Variants in FBXW4 observed in about 807,000 individuals in gnomAD.
FBXW4 encodes the protein F-box and WD repeat domain containing 4.
A neutral mutation model predicts 61.8 loss-of-function variants in FBXW4; 40 were observed. The observed-to-expected ratio is 0.65, with a 90% CI of 0.50 to 0.84. The LOEUF (loss-of-function observed/expected upper bound fraction) is 0.84, where lower values mean the gene tolerates loss of function less well. Among genes scored for constraint, FBXW4 ranks in the 40% least tolerant of loss-of-function variants. The pLI, the probability that FBXW4 is intolerant of heterozygous loss-of-function variation, is 0.00. For synonymous variants in FBXW4, 311 were observed against 313.8 expected, an observed-to-expected ratio of 0.99 and a Z score of 0.10; for missense variants, 672 against 753.8, an observed-to-expected ratio of 0.89 and a Z score of 1.27.
intron 5 of FBXW4, among the ~76,000 whole-genome samples, chr10:101,635,406 C>T (rs560106260): frequency 9.2e-5 from 14 of 152,070 alleles, no homozygotes; most frequent in Admixed American, 8.5e-4. Context: ...TCATCCCAAA[C>T]CCTGACTCAC....
At chr10:101,627,935 T>C (rs2063920251) in intron 5 of FBXW4, 1 of 985,174 alleles carries the variant, frequency 1.0e-6, no homozygotes, top group Admixed American at 6.1e-5. Flanking sequence ...CTGGCCTCAG[T>C]TCTCTAACCC....
At chr10:101,642,605 T>G (rs2064062793) in intron 5 of FBXW4, among the ~76,000 whole-genome samples, 1 of 152,142 alleles carries the variant, frequency 6.6e-6, no homozygotes, top group Non-Finnish European at 1.5e-5. Context: ...CAGGACTTTG[T>G]CAACAGCCCA....
chr10:101,655,028 C>A (rs926496105), intron 5 of FBXW4, among the ~76,000 whole-genome samples: 5 of 152,082 alleles, frequency 3.3e-5, no homozygotes, highest in African/African-American at 1.2e-4. Context: ...TGGGGTCTCA[C>A]TCTGTTGCCC....
intron 5 of FBXW4, among the ~76,000 whole-genome samples, chr10:101,632,792 A>T (rs1307209260): frequency 6.6e-6 from 1 of 152,174 alleles, no homozygotes; most frequent in Non-Finnish European, 1.5e-5. Flanking sequence ...TCCCTGTACT[A>T]AAGCAAAAAC....
chr10:101,658,525 A>G (rs1359552805), intron 5 of FBXW4, among the ~76,000 whole-genome samples: 2 of 152,212 alleles, frequency 1.3e-5, no homozygotes, highest in Non-Finnish European at 2.9e-5. Context: ...AGCCTGGGCA[A>G]CAGTGCAAGA....
chr10:101,694,517 A>G lies in FBXW4; in HGVS notation c.589T>C (p.Tyr197His), dbSNP rs749970497. ...PEELLLLICSYLDMRALGRLA... is the reference protein window; with the variant it reads ...PEELLLLICSHLDMRALGRLA... ...CGGCCGAGGGCCCGCATGTCCAGGTAGGAGCAGATGAGCAGCAGCAGCTCC... is the reference window on the plus strand; with the variant it reads ...CGGCCGAGGGCCCGCATGTCCAGGTGGGAGCAGATGAGCAGCAGCAGCTCC... The change falls in exon 1 of 9, where the codon TAC (tyrosine) becomes CAC (histidine). Residue 197 changes from tyrosine to histidine, a missense_variant. By Grantham distance (83) the Tyr-to-His change is moderately conservative. Coordinates refer to ENST00000331272, the MANE Select transcript of FBXW4 (RefSeq NM_022039.4). The surrounding 1 kb of genome is among the most constrained non-coding windows in gnomAD (Gnocchi z 6.0). 1.6e-5 allele frequency: 24 copies of G among 1,514,670 alleles called. No individual in the cohort carries two copies. The highest frequency in any genetic ancestry group is 2.0e-5 in the Non-Finnish European group (23 of 1,140,970). The allele number at this position is 1,514,670 out of a possible 1,614,324, so 93.8% of individuals were successfully genotyped here.
At chr10:101,632,338 C>T (rs1443893250) in intron 5 of FBXW4, among the ~76,000 whole-genome samples, 1 of 152,144 alleles carries the variant, frequency 6.6e-6, no homozygotes, top group African/African-American at 2.4e-5. Flanking sequence ...TTGCTCCCTG[C>T]CCCCCAACTG....
intron 4 of FBXW4, among the ~76,000 whole-genome samples, chr10:101,670,635 C>G (rs1312975326): frequency 6.6e-6 from 1 of 152,210 alleles, no homozygotes; most frequent in Non-Finnish European, 1.5e-5. Context: ...GGCTTTATCT[C>G]CCTTACTTCT....
At chr10:101,684,798 C>T (rs2064517501) in intron 1 of FBXW4, among the ~76,000 whole-genome samples, 1 of 152,152 alleles carries the variant, frequency 6.6e-6, no homozygotes, top group African/African-American at 2.4e-5. Flanking sequence ...AAGGTTCAAA[C>T]AAAATTAATA....
chr10:101,641,182 T>C (rs1262257235), intron 5 of FBXW4, among the ~76,000 whole-genome samples: 2 of 152,154 alleles, frequency 1.3e-5, no homozygotes, highest in African/African-American at 4.8e-5. Context: ...AGATAGATAA[T>C]TTAAATATAT....
At chr10:101,656,326 A>G (rs1290834737) in intron 5 of FBXW4, among the ~76,000 whole-genome samples, 2 of 152,232 alleles carry the variant, frequency 1.3e-5, no homozygotes, top group African/African-American at 2.4e-5. Context: ...CAACACAGAC[A>G]TAAGTGTCTC....
chr10:101,684,048 C>T (rs1055336664), intron 1 of FBXW4, among the ~76,000 whole-genome samples: 3 of 152,202 alleles, frequency 2.0e-5, no homozygotes, highest in Non-Finnish European at 2.9e-5. Context: ...AACGCAACCT[C>T]CACCTCCCAG....
intron 6 of FBXW4, among the ~76,000 whole-genome samples, chr10:101,624,289 A>T (rs2134816967): frequency 6.6e-6 from 1 of 151,764 alleles, no homozygotes; most frequent in Non-Finnish European, 1.5e-5. Context: ...AAAAAAAACC[A>T]GAATGGCAGA....
At chr10:101,633,061 G>A (rs2063971696) in intron 5 of FBXW4, among the ~76,000 whole-genome samples, 2 of 152,194 alleles carry the variant, frequency 1.3e-5, no homozygotes, top group African/African-American at 4.8e-5. Context: ...GTAATCATGT[G>A]ATCCAGAGTG....
chr10:101,642,090 T>C (rs1185432755), intron 5 of FBXW4, among the ~76,000 whole-genome samples: 1 of 152,108 alleles, frequency 6.6e-6, no homozygotes, highest in African/African-American at 2.4e-5. Flanking sequence ...TGCTTGAACC[T>C]GAGAGGCAGA....
At chr10:101,651,828 G>A (rs1365204972) in intron 5 of FBXW4, among the ~76,000 whole-genome samples, 1 of 152,066 alleles carries the variant, frequency 6.6e-6, no homozygotes, top group Non-Finnish European at 1.5e-5. Flanking sequence ...TTTCAAACAA[G>A]GGACAACAAG....
intron 5 of FBXW4, among the ~76,000 whole-genome samples, chr10:101,644,428 CA>C (rs2064079466): frequency 1.3e-5 from 2 of 152,168 alleles, no homozygotes; most frequent in African/African-American, 2.4e-5. Context: ...TGGAGACACT[CA>C]AGACAATTGA....
chr10:101,646,989 A>G (rs1224725366), intron 5 of FBXW4, among the ~76,000 whole-genome samples: 2 of 152,112 alleles, frequency 1.3e-5, no homozygotes, highest in Non-Finnish European at 2.9e-5. Flanking sequence ...GGTGGTGGTT[A>G]GGAATGGGGT....
At chr10:101,657,365 G>A (rs181131728) in intron 5 of FBXW4, among the ~76,000 whole-genome samples, 1 of 152,240 alleles carries the variant, frequency 6.6e-6, no homozygotes, top group African/African-American at 2.4e-5. Context: ...AGGCACGGTG[G>A]CTCATGCCTG....
Sources: allele counts gnomAD v4.1 joint callset (sites outside exome capture counted in the v4.1 genomes callset), GRCh38; gene constraint gnomAD v4.1.1; non-coding constraint Gnocchi (gnomAD v3.1); transcripts MANE v1.5; gene names NCBI Gene and HGNC (gene_info 2026-07-23, HGNC 2026-07-21).